GAS7: variants seen among roughly 807,000 people sequenced by gnomAD.
The protein encoded by GAS7 is growth arrest specific 7.
In GAS7, 28 loss-of-function variants were observed where a neutral mutation model predicts 71.1. The ratio of observed to expected loss-of-function variants is 0.39; its 90% CI spans 0.29 to 0.54. GAS7 has a LOEUF of 0.54. Among genes scored for constraint, GAS7 ranks in the 20% least tolerant of loss-of-function variants. The pLI, the probability that GAS7 is intolerant of heterozygous loss-of-function variation, is 0.62. For synonymous variants in GAS7, 258 were observed against 245.8 expected (o/e 1.05, Z -0.46); for missense variants, 436 against 627.8 (o/e 0.69, Z 3.27).
At chr17:10,124,960 A>T (rs2073933273) in intron 1 of GAS7, among the ~76,000 whole-genome samples, 2 of 151,844 alleles carry the variant, frequency 1.3e-5, no homozygotes, top group Admixed American at 6.6e-5. Flanking sequence ...GTATGACACC[A>T]TGGGTCAAAA....
intron 1 of GAS7, among the ~76,000 whole-genome samples, chr17:10,122,419 C>T (rs1305116427): frequency 6.6e-6 from 1 of 152,182 alleles, no homozygotes; most frequent in Non-Finnish European, 1.5e-5. Context: ...ATGTGATGGC[C>T]CTATTCAAAT....
At chr17:10,075,750 G>A (rs1477738957) in intron 1 of GAS7, among the ~76,000 whole-genome samples, 7 of 150,780 alleles carry the variant, frequency 4.6e-5, no homozygotes, top group African/African-American at 1.7e-4. Context: ...AGTTATGACT[G>A]TCCCCCTGCA....
chr17:10,141,660 G>A (rs2074082186), intron 1 of GAS7, among the ~76,000 whole-genome samples: 1 of 152,066 alleles, frequency 6.6e-6, no homozygotes, highest in East Asian at 1.9e-4. Context: ...CAGACTCCAG[G>A]GCACATTCCA....
intron 1 of GAS7, among the ~76,000 whole-genome samples, chr17:10,129,704 T>C (rs1039737389): frequency 1.6e-4 from 24 of 152,144 alleles, no homozygotes; most frequent in Non-Finnish European, 3.5e-4. Context: ...AGGACATCAT[T>C]AAGAAAGTGA....
chr17:10,073,817 G>A (rs564157690), intron 1 of GAS7, among the ~76,000 whole-genome samples: 6 of 152,274 alleles, frequency 3.9e-5, no homozygotes, highest in Non-Finnish European at 8.8e-5. Flanking sequence ...TGAATTCAAG[G>A]CTGCAGCTAC....
rs1053428305 is a variant in GAS7, at chr17:9,959,105, T to C, written c.525+97A>G. 5.6e-6 allele frequency: 8 copies of C among 1,420,926 alleles called. No homozygotes were observed. Among genetic ancestry groups the C allele is most frequent in the Admixed American group, 2.3e-5 (1 of 43,456 alleles). The allele number at this position is 1,420,926 out of a possible 1,614,324, so 88.0% of individuals were successfully genotyped here. ...AACTTCCCCGTTTCCAGGTTGGGCA[T>C]CACTTCTGCTTGGCGGTCCACATCG... On this transcript the variant is annotated intron_variant, in intron 5 of 13. Transcript: ENST00000432992. This position sits in a 1 kb window ranked among gnomAD's most constrained non-coding sequence, Gnocchi z 5.0.
chr17:10,122,251 T>C (rs138053187), intron 1 of GAS7, among the ~76,000 whole-genome samples: 1 of 152,282 alleles, frequency 6.6e-6, no homozygotes, highest in African/African-American at 2.4e-5. Flanking sequence ...CCCCTGTGTT[T>C]TCATTCATCC....
chr17:10,079,282 C>T (rs2152250733), intron 1 of GAS7, among the ~76,000 whole-genome samples: 1 of 152,274 alleles, frequency 6.6e-6, no homozygotes, highest in African/African-American at 2.4e-5. Context: ...ACACTGTAAA[C>T]CGAAAATAAA....
chr17:10,098,150 C>T (rs1306473090), intron 1 of GAS7, among the ~76,000 whole-genome samples: 1 of 152,212 alleles, frequency 6.6e-6, no homozygotes, highest in Admixed American at 6.5e-5. Context: ...CACCTTATGC[C>T]ACCCTTTTCT....
intron 4 of GAS7, among the ~76,000 whole-genome samples, chr17:9,961,692 T>C (rs1274679649): frequency 2.6e-5 from 4 of 152,212 alleles, no homozygotes; most frequent in African/African-American, 9.7e-5. Context: ...ATCTGACATA[T>C]TTAATCTCAT....
At position 10,034,294 on chromosome 17, in the gene GAS7, A is replaced by T; in HGVS notation, c.184-14397T>A. 2 of 751,520 alleles carry T rather than the reference A, an allele frequency of 2.7e-6. No individual in the cohort carries two copies. The highest frequency in any genetic ancestry group is 3.2e-6 in the Non-Finnish European group (2 of 617,254). The allele number at this position is 751,520 out of a possible 1,614,324, so 46.6% of individuals were successfully genotyped here. On this transcript the variant is annotated intron_variant, in intron 1 of 13. Transcript: ENST00000432992. This position sits in a 1 kb window ranked among gnomAD's most constrained non-coding sequence, Gnocchi z 4.4. ...CAAGGGCTTTCATATATACATATAT[A>T]TAGCCTAATACTTAATAATTCTTTT...
At chr17:10,015,447 A>G (rs747412239) in intron 2 of GAS7, among the ~76,000 whole-genome samples, 35 of 152,196 alleles carry the variant, frequency 2.3e-4, no homozygotes, top group Non-Finnish European at 4.6e-4. Flanking sequence ...GCGACAGAGC[A>G]AAGATGCTTA....
In GAS7 at chr17:9,912,591, G is replaced by A. The variant is rs772751302; in HGVS notation, c.*4637C>T. 13 of 232,864 alleles carry A rather than the reference G, an allele frequency of 5.6e-5. No homozygotes were observed. The highest frequency in any genetic ancestry group is 1.2e-4 in the East Asian group (2 of 16,530). The allele number at this position is 232,864 out of a possible 1,614,324, so 14.4% of individuals were successfully genotyped here. A position where few individuals can be genotyped will look rare whatever the true frequency, so the allele number is the denominator to read the frequency against. On this transcript the variant is annotated 3_prime_UTR_variant, in exon 14 of 14. Coordinates refer to ENST00000432992, the MANE Select transcript of GAS7 (RefSeq NM_201433.2). ...ATGCAAGCTTCAGGTTGCAGCAGAC[G>A]TGAGCAGCAATTGAGCACCCATCCG...
intron 1 of GAS7, among the ~76,000 whole-genome samples, chr17:10,084,815 C>A (rs1245029195): frequency 6.6e-6 from 1 of 152,148 alleles, no homozygotes; most frequent in Non-Finnish European, 1.5e-5. Context: ...AGGGGATTCT[C>A]TCTCCCCTGC....
At chr17:10,061,906 G>C (rs1202879075) in intron 1 of GAS7, among the ~76,000 whole-genome samples, 2 of 152,146 alleles carry the variant, frequency 1.3e-5, no homozygotes, top group Non-Finnish European at 2.9e-5. Flanking sequence ...TTCCCCAGGG[G>C]CCAATGGGGC....
intron 1 of GAS7, among the ~76,000 whole-genome samples, chr17:10,188,098 C>T (rs1223429215): frequency 6.6e-6 from 1 of 152,092 alleles, no homozygotes; most frequent in Non-Finnish European, 1.5e-5. Context: ...GAAAAATTAG[C>T]CAGGCATGGT....
intron 4 of GAS7, among the ~76,000 whole-genome samples, chr17:9,963,282 T>C (rs1010188955): frequency 2.6e-5 from 4 of 152,084 alleles, no homozygotes; most frequent in African/African-American, 7.2e-5. Flanking sequence ...GGCAAACCCA[T>C]AGAGACAGAA....
intron 1 of GAS7, among the ~76,000 whole-genome samples, chr17:10,142,603 C>T (rs139521513): frequency 4.6e-5 from 7 of 152,128 alleles, no homozygotes; most frequent in African/African-American, 1.4e-4. Flanking sequence ...CAGCCCGCCT[C>T]GGCCTCCCCA....
chr17:10,197,540 TG>T (rs1373411461), intron 1 of GAS7, among the ~76,000 whole-genome samples: 1 of 152,194 alleles, frequency 6.6e-6, no homozygotes, highest in Non-Finnish European at 1.5e-5. Flanking sequence ...TGTGCAGCCC[TG>T]GGGCCAGGCC....
Sources: allele counts gnomAD v4.1 joint callset (sites outside exome capture counted in the v4.1 genomes callset), GRCh38; gene constraint gnomAD v4.1.1; non-coding constraint Gnocchi (gnomAD v3.1); transcripts MANE v1.5; gene names NCBI Gene and HGNC (gene_info 2026-07-23, HGNC 2026-07-21).